Variants in PRTG observed in about 807,000 individuals in gnomAD.
The protein encoded by PRTG is immunoglobulin superfamily, DCC subclass, member 5.
Under a neutral mutation model 122.5 loss-of-function variants are expected in PRTG, and 67 were observed. The observed-to-expected ratio is 0.55, with a 90% CI of 0.45 to 0.67. PRTG has a LOEUF of 0.67. PRTG is among the 30% of genes least tolerant of loss of function. The pLI, the probability that PRTG is intolerant of heterozygous loss-of-function variation, is 0.00. For missense variants in PRTG, 1,435 were observed against 1,415.4 expected (o/e 1.01, Z -0.22); for synonymous variants, 554 against 501.1 (o/e 1.11, Z -1.41).
chr15:55,730,438 T>C (rs1214518150), intron 2 of PRTG, among the ~76,000 whole-genome samples: 2 of 152,078 alleles, frequency 1.3e-5, no homozygotes, highest in Non-Finnish European at 2.9e-5. Flanking sequence ...TTTGATTATA[T>C]ATATTTGAAT....
chr15:55,658,886 AT>A (rs1376641078), intron 11 of PRTG, among the ~76,000 whole-genome samples: 7 of 152,326 alleles, frequency 4.6e-5, no homozygotes, highest in Admixed American at 4.6e-4. Flanking sequence ...TGGGAGACAT[AT>A]AAATTTGAAA....
chr15:55,718,414 C>T (rs1466905259), intron 2 of PRTG, among the ~76,000 whole-genome samples: 1 of 152,032 alleles, frequency 6.6e-6, no homozygotes, highest in African/African-American at 2.4e-5. Context: ...CAACCCCAAG[C>T]GTTGCTGAGT....
intron 15 of PRTG, among the ~76,000 whole-genome samples, chr15:55,631,254 T>G (rs765918995): frequency 1.3e-5 from 2 of 152,192 alleles, no homozygotes; most frequent in East Asian, 3.8e-4. Flanking sequence ...AAAGATGTAT[T>G]GTGACATGTT....
Position 55,703,937 on chromosome 15 carries a change from C to T in PRTG, c.398-20006G>A, listed in dbSNP as rs146472366. Among the ~76,000 whole-genome samples, 362 of 152,298 alleles carry T rather than the reference C, an allele frequency of 2.4e-3. 1 individual carries two copies. In the South Asian group the frequency reaches 0.028, roughly 12 times the overall value. On this transcript the variant is annotated intron_variant, in intron 2 of 19. Coordinates refer to ENST00000389286, the MANE Select transcript of PRTG (RefSeq NM_173814.6). ...TGTGTGGTCACAGAAGTGTATGCGA[C>T]ATGCTAATGCATTTATCAAGTGATT...
chr15:55,626,921 T>G, intron 17 of PRTG, 87 bp downstream of exon 17: 1 of 1,279,838 alleles, frequency 7.8e-7, no homozygotes, highest in East Asian at 2.5e-5. Flanking sequence ...CCAGTTACTC[T>G]AAAAGGCACT....
intron 2 of PRTG, among the ~76,000 whole-genome samples, chr15:55,702,421 A>T (rs1007128666): frequency 2.6e-5 from 4 of 152,208 alleles, no homozygotes; most frequent in Non-Finnish European, 4.4e-5. Flanking sequence ...CAGATAGAAA[A>T]GGCAGTCAAT....
intron 2 of PRTG, among the ~76,000 whole-genome samples, chr15:55,739,138 T>A (rs1392450439): frequency 6.6e-6 from 1 of 152,144 alleles, no homozygotes; most frequent in Non-Finnish European, 1.5e-5. Context: ...AAATAGTTAA[T>A]ATAAGGATGG....
At chr15:55,661,191 G>C (rs186912088) in intron 11 of PRTG, among the ~76,000 whole-genome samples, 126 of 152,244 alleles carry the variant, frequency 8.3e-4, no homozygotes, top group African/African-American at 2.8e-3. Flanking sequence ...TTTAATTTGA[G>C]GGAGCCAGCA....
intron 16 of PRTG, 88 bp downstream of exon 16, chr15:55,628,734 T>C: frequency 9.7e-7 from 1 of 1,026,194 alleles, no homozygotes; most frequent in Non-Finnish European, 1.4e-6. Flanking sequence ...GGTTTAGGGA[T>C]ACAGCAATTG....
chr15:55,642,180 C>CAAAA (rs761440348), intron 11 of PRTG, among the ~76,000 whole-genome samples: 18 of 66,624 alleles, frequency 2.7e-4, no homozygotes, highest in East Asian at 4.7e-4. Flanking sequence ...GACTCCGTCT[C>CAAAA]AAAAAAAAAA....
chr15:55,624,652 T>G (rs1330605194), intron 17 of PRTG, 145 bp from the exon 18 acceptor site: 4 of 589,040 alleles, frequency 6.8e-6, no homozygotes, highest in Non-Finnish European at 1.1e-5. Flanking sequence ...AGTGTTAGAT[T>G]TTAACTTACT....
intron 2 of PRTG, among the ~76,000 whole-genome samples, chr15:55,699,316 C>A (rs1034872714): frequency 5.9e-5 from 9 of 152,098 alleles, no homozygotes; most frequent in Admixed American, 5.9e-4. Flanking sequence ...TTCTGGCACC[C>A]CTTCCAATGA....
chr15:55,670,244 CAA>C (rs1332086244), intron 11 of PRTG, among the ~76,000 whole-genome samples: 3 of 13,182 alleles, frequency 2.3e-4, no homozygotes, highest in African/African-American at 2.5e-4. Flanking sequence ...TTTCACAACC[CAA>C]GTTTTTTTCT....
intron 2 of PRTG, among the ~76,000 whole-genome samples, chr15:55,703,995 G>A (rs2029987723): frequency 6.7e-6 from 1 of 149,280 alleles, no homozygotes; most frequent in African/African-American, 2.5e-5. Context: ...AAAACAAGCA[G>A]GAAATGGTAC....
At chr15:55,661,994 A>G (rs1243876014) in intron 11 of PRTG, among the ~76,000 whole-genome samples, 1 of 152,180 alleles carries the variant, frequency 6.6e-6, no homozygotes, top group Non-Finnish European at 1.5e-5. Flanking sequence ...CATGTTTTAG[A>G]GCATTTCGAA....
rs748995981 is a variant in PRTG, at chr15:55,638,638, T to C, written c.2363A>G (p.Asn788Ser). 1.9e-6 allele frequency: 3 copies of C among 1,613,648 alleles called. No individual in the cohort carries two copies. Among genetic ancestry groups the C allele is most frequent in the African/African-American group, 1.3e-5 (1 of 75,022 alleles). ...THMLVQGLEP[N>S]TKYEFAVRLH... Reference sequence around the variant, plus strand: ...TCGAACGGCAAATTCGTATTTGGTGTTTGGTTCTAGACCTTGAACCAACAT... The same window carrying C: ...TCGAACGGCAAATTCGTATTTGGTGCTTGGTTCTAGACCTTGAACCAACAT... Residue 788 changes from asparagine (N) to serine (S), a missense_variant, in exon 14 of 20, where the codon AAC becomes AGC. By Grantham distance (46) the Asn-to-Ser change is conservative. Transcript: ENST00000389286.
At chr15:55,657,342 A>G (rs2059385990) in intron 11 of PRTG, among the ~76,000 whole-genome samples, 1 of 152,126 alleles carries the variant, frequency 6.6e-6, no homozygotes, top group South Asian at 2.1e-4. Flanking sequence ...ACGTGTAGCT[A>G]TTCAAGAAAG....
intron 2 of PRTG, among the ~76,000 whole-genome samples, chr15:55,738,050 A>C (rs1437435130): frequency 9.9e-5 from 11 of 111,146 alleles, no homozygotes; most frequent in Middle Eastern, 4.5e-3. Context: ...ACACACACAC[A>C]CCACACACAC....
intron 2 of PRTG, among the ~76,000 whole-genome samples, chr15:55,706,137 G>A (rs1012142005): frequency 2.6e-5 from 4 of 151,546 alleles, no homozygotes; most frequent in Non-Finnish European, 5.9e-5. Context: ...TGGGATTACA[G>A]GCGTGAGCCA....
Sources: allele counts gnomAD v4.1 joint callset (sites outside exome capture counted in the v4.1 genomes callset), GRCh38; gene constraint gnomAD v4.1.1; transcripts MANE v1.5; gene names NCBI Gene and HGNC (gene_info 2026-07-23, HGNC 2026-07-21).